The following MPRIP variants were observed in gnomAD, a reference collection of about 807,000 sequenced individuals.
The protein encoded by MPRIP is myosin phosphatase Rho-interacting protein.
MPRIP carries 59 observed loss-of-function variants against 234.9 expected under a neutral mutation model. The ratio of observed to expected loss-of-function variants is 0.25; its 90% CI spans 0.20 to 0.31. The LOEUF (loss-of-function observed/expected upper bound fraction) is 0.31, where lower values mean the gene tolerates loss of function less well. Ranked by LOEUF, MPRIP falls within the 10% of genes least tolerant of loss-of-function variation. The probability of loss-of-function intolerance (pLI) is 1.00; values close to 1 mark genes in which losing one functional copy is unlikely to be tolerated. For synonymous variants in MPRIP, 1,144 were observed against 1,263.9 expected, an observed-to-expected ratio of 0.91 and a Z score of 2.01; for missense variants, 2,436 against 3,071.0, an observed-to-expected ratio of 0.79 and a Z score of 4.89.
rs2045999361 is a variant in MPRIP, at chr17:17,166,446, G to A, written c.4855G>A (p.Val1619Ile). 7.7e-7 allele frequency: 1 copy of A among 1,304,390 alleles called. No individual in the cohort carries two copies. The highest frequency in any genetic ancestry group is 1.2e-5 in the South Asian group (1 of 81,036). The allele number at this position is 1,304,390 out of a possible 1,614,324, so 80.8% of individuals were successfully genotyped here. ...CCCCGTAGACACCTGGGCCAGGAAG[G>A]TCCTAGTGGATGGTGAGTTCTGGAG... ...GAPVDTWARKVLVDGEFWSQV... is the reference protein window; with the variant it reads ...GAPVDTWARKILVDGEFWSQV... The change falls in exon 16 of 24, where the codon GTC (valine) becomes ATC (isoleucine). Residue 1619 changes from valine to isoleucine, a missense_variant. Physicochemically the swap from Val to Ile is conservative, Grantham distance 29. This residue lies in a region of MPRIP where 1,998 missense variants were observed against 2,520.3 expected (regional missense o/e 0.79). Coordinates refer to ENST00000651222, the MANE Select transcript of MPRIP (RefSeq NM_001364716.4). This position sits in a 1 kb window ranked among gnomAD's most constrained non-coding sequence, Gnocchi z 4.4.
chr17:17,137,080 C>T (rs760062518), intron 6 of MPRIP, among the ~76,000 whole-genome samples: 4 of 152,152 alleles, frequency 2.6e-5, no homozygotes, highest in Non-Finnish European at 4.4e-5. Context: ...CAGCCCAGCT[C>T]GCTCTGTCTG....
chr17:17,147,450 G>T, intron 11 of MPRIP, 63 bp downstream of exon 11: 1 of 1,486,888 alleles, frequency 6.7e-7, no homozygotes, highest in Non-Finnish European at 9.4e-7. Flanking sequence ...GGCATCTGGG[G>T]CTAGTAGATC....
chr17:17,104,491 T>G (rs1597809303), intron 3 of MPRIP, among the ~76,000 whole-genome samples: 1 of 152,274 alleles, frequency 6.6e-6, no homozygotes, highest in East Asian at 1.9e-4. Context: ...TGGGTGGCCG[T>G]GTCTTTCATC....
At chr17:17,128,706 G>A (rs1160271979) in intron 4 of MPRIP, among the ~76,000 whole-genome samples, 1 of 152,156 alleles carries the variant, frequency 6.6e-6, no homozygotes, top group African/African-American at 2.4e-5. Context: ...GTTCTCACGT[G>A]GCATAACCTC....
intron 3 of MPRIP, among the ~76,000 whole-genome samples, chr17:17,099,392 T>C (rs1335735622): frequency 6.6e-6 from 1 of 152,208 alleles, no homozygotes; most frequent in Non-Finnish European, 1.5e-5. Flanking sequence ...TTTGGTTCAC[T>C]TTTCTTGCAA....
At chr17:17,075,633 TGC>T in intron 1 of MPRIP, 75 bp from the exon 2 acceptor site, 1 of 1,227,630 alleles carries the variant, frequency 8.1e-7, no homozygotes, top group Admixed American at 1.7e-5. Context: ...TTCCAGCGAG[TGC>T]TTGCTGTTAA....
chr17:17,173,639 T>C (rs1250962828), intron 18 of MPRIP, among the ~76,000 whole-genome samples: 1 of 152,096 alleles, frequency 6.6e-6, no homozygotes, highest in Non-Finnish European at 1.5e-5. Flanking sequence ...GTTCTAGAAA[T>C]GGGGGTTCTG....
At chr17:17,162,285 C>A (rs942414430) in intron 15 of MPRIP, among the ~76,000 whole-genome samples, 1 of 152,200 alleles carries the variant, frequency 6.6e-6, no homozygotes, top group Admixed American at 6.5e-5. Context: ...ACCCAGTGAT[C>A]CCTGAGGGCC....
chr17:17,163,588 G>A (rs111711730), intron 15 of MPRIP, among the ~76,000 whole-genome samples: 27 of 152,246 alleles, frequency 1.8e-4, no homozygotes, highest in Non-Finnish European at 3.7e-4. Flanking sequence ...ATGTTTGGAT[G>A]TCACCTTGCT....
Position 17,177,256 on chromosome 17 carries a change from A to T in MPRIP, c.6964A>T (p.Lys2322Ter). The change falls in exon 22 of 24, where the codon AAG (lysine) becomes TAG (stop). Residue 2322 changes from lysine (K) to a stop codon, truncating the protein, a stop_gained. Coordinates refer to ENST00000651222, the MANE Select transcript of MPRIP (RefSeq NM_001364716.4). LOFTEE classifies it high-confidence loss of function. ...DELQTALRDK[K>*]YASDKYKDIY... Reference sequence around the variant, plus strand: ...CTGTCATTTCACTCCCAAGGACAAGAAGTACGCAAGTGACAAGTACAAAGA... The same window carrying T: ...CTGTCATTTCACTCCCAAGGACAAGTAGTACGCAAGTGACAAGTACAAAGA... 1.2e-6 allele frequency: 2 copies of T among 1,611,952 alleles called. No homozygotes were observed. The highest frequency in any genetic ancestry group is 1.7e-6 in the Non-Finnish European group (2 of 1,178,848).
intron 1 of MPRIP, among the ~76,000 whole-genome samples, 196 bp from the exon 2 acceptor site, chr17:17,075,514 C>T (rs1355770469): frequency 6.6e-6 from 1 of 152,100 alleles, no homozygotes; most frequent in African/African-American, 2.4e-5. Context: ...GTATGCTCTC[C>T]ACCCCGGATG....
At chr17:17,164,020 C>T in intron 15 of MPRIP, 89 bp from the exon 16 acceptor site, 2 of 896,872 alleles carry the variant, frequency 2.2e-6, no homozygotes, top group South Asian at 1.5e-5. Context: ...CATCAAGGAG[C>T]TTTCTGTGGT....
intron 8 of MPRIP, 91 bp from the exon 9 acceptor site, chr17:17,143,465 C>T (rs2045375833): frequency 7.8e-6 from 6 of 771,190 alleles, no homozygotes; most frequent in South Asian, 2.4e-5. Flanking sequence ...AAGGCCCTGG[C>T]GGCTCTTGGA....
intron 1 of MPRIP, among the ~76,000 whole-genome samples, chr17:17,054,458 G>A (rs1183370915): frequency 6.6e-6 from 1 of 152,188 alleles, no homozygotes; most frequent in African/African-American, 2.4e-5. Context: ...GGTAGCTGGA[G>A]CCTCTCCCAG....
intron 1 of MPRIP, among the ~76,000 whole-genome samples, chr17:17,052,333 G>A (rs1194873767): frequency 6.6e-6 from 1 of 152,206 alleles, no homozygotes; most frequent in Non-Finnish European, 1.5e-5. Flanking sequence ...GTATATTGCA[G>A]TGCTGCAGAA....
intron 16 of MPRIP, chr17:17,168,160 G>A: frequency 3.0e-6 from 1 of 338,818 alleles, no homozygotes; most frequent in Non-Finnish European, 5.8e-6. Flanking sequence ...TGGTGGGAGA[G>A]GAGCACGTAG....
In MPRIP at chr17:17,180,095, CTG is replaced by C. The variant is rs1226540045; in HGVS notation, c.7206+8_7206+9del. On this transcript the variant is annotated splice_region_variant and intron_variant, in intron 23 of 23. Transcript: ENST00000651222. The stretch of plus-strand genomic sequence containing the variant: ...CAGAAACATCAGGTCCAAGGTGAGT[CTG>C]GGGTCCAGCCCCCTGGTGGGAGGGG... 1.3e-6 allele frequency: 2 copies of C among 1,576,588 alleles called. No homozygotes were observed. Among genetic ancestry groups the C allele is most frequent in the African/African-American group, 2.8e-5 (2 of 72,422 alleles).
intron 1 of MPRIP, among the ~76,000 whole-genome samples, chr17:17,050,775 G>A (rs1473701521): frequency 6.6e-6 from 1 of 152,244 alleles, no homozygotes. Context: ...AGAGTTTAGG[G>A]GCAGAAGGGA....
intron 3 of MPRIP, among the ~76,000 whole-genome samples, chr17:17,123,698 C>A (rs1433055759): frequency 5.4e-5 from 6 of 111,424 alleles, no homozygotes; most frequent in Non-Finnish European, 3.3e-5. Flanking sequence ...AGCGAGACTT[C>A]GTCTCAAAAA....
Sources: allele counts gnomAD v4.1 joint callset (sites outside exome capture counted in the v4.1 genomes callset), GRCh38; gene constraint gnomAD v4.1.1; regional missense constraint gnomAD v4.1.1; non-coding constraint Gnocchi (gnomAD v3.1); transcripts MANE v1.5; gene names NCBI Gene and HGNC (gene_info 2026-07-23, HGNC 2026-07-21).